Variants in SORBS2 observed in about 807,000 individuals in gnomAD.
SORBS2 encodes the protein sorbin and SH3 domain-containing protein 2.
Under a neutral mutation model 97.7 loss-of-function variants are expected in SORBS2, and 46 were observed. The ratio of observed to expected loss-of-function variants is 0.47; its 90% CI spans 0.37 to 0.60. The LOEUF is 0.60. SORBS2 is among the 20% of genes least tolerant of loss of function. The probability of loss-of-function intolerance (pLI) is 0.00; values close to 1 mark genes in which losing one functional copy is unlikely to be tolerated. For synonymous variants in SORBS2, 476 were observed against 473.4 expected (o/e 1.01, Z -0.07); for missense variants, 1,316 against 1,282.3 (o/e 1.03, Z -0.40).
chr4:185,847,184 C>G (rs7674161), intron 1 of SORBS2, among the ~76,000 whole-genome samples: 42,267 of 152,106 alleles, frequency 0.28, 6,917 homozygotes, highest in East Asian at 0.56. Context: ...TAATGTAAGT[C>G]TGCTCCAGTG....
chr4:185,849,270 TG>T (rs2099216410), intron 1 of SORBS2, among the ~76,000 whole-genome samples: 1 of 152,194 alleles, frequency 6.6e-6, no homozygotes, highest in African/African-American at 2.4e-5. Context: ...CACTACCCAG[TG>T]GAGCCACCAG....
chr4:185,770,864 T>A (rs1237419931), intron 2 of SORBS2: 1 of 152,098 alleles, frequency 6.6e-6, no homozygotes, highest in African/African-American at 2.4e-5. Flanking sequence ...GAAGTCTTCT[T>A]GAAATAAGAT....
At chr4:185,893,786 C>T (rs2099243661) in intron 1 of SORBS2, among the ~76,000 whole-genome samples, 1 of 152,152 alleles carries the variant, frequency 6.6e-6, no homozygotes, top group Admixed American at 6.5e-5. Flanking sequence ...GCAGGTAAGC[C>T]TGGTGAGCAA....
intron 1 of SORBS2, among the ~76,000 whole-genome samples, chr4:185,824,556 G>A (rs185651522): frequency 6.6e-6 from 1 of 152,270 alleles, no homozygotes. Flanking sequence ...GAAAAAAGCT[G>A]TTGTTCCCTA....
intron 1 of SORBS2, among the ~76,000 whole-genome samples, chr4:185,912,585 CAAAAAAAAAAAAAAAA>C (rs60906233): frequency 4.7e-5 from 3 of 64,372 alleles, no homozygotes; most frequent in African/African-American, 1.9e-4. Context: ...AACTCCATCT[CAAAAAAAAAAAAAAAA>C]AAAAAAAAAA....
intron 4 of SORBS2, among the ~76,000 whole-genome samples, chr4:185,631,286 G>T (rs558007097): frequency 6.6e-6 from 1 of 152,194 alleles, no homozygotes; most frequent in African/African-American, 2.4e-5. Context: ...TTTTTAAAGT[G>T]CGCTTTTAAA....
chr4:185,618,448 C>T (rs2096660869), intron 9 of SORBS2, 137 bp downstream of exon 21: 1 of 435,574 alleles, frequency 2.3e-6, no homozygotes, highest in Non-Finnish European at 4.2e-6. Flanking sequence ...TCTGAAGGAA[C>T]CATTTAATTA....
intron 2 of SORBS2, among the ~76,000 whole-genome samples, chr4:185,718,242 G>GA (rs34078526): frequency 2.0e-5 from 3 of 151,562 alleles, no homozygotes; most frequent in South Asian, 2.1e-4. Context: ...AAAAAAAAAA[G>GA]AAAATATGTA....
intron 1 of SORBS2, among the ~76,000 whole-genome samples, chr4:185,922,742 C>T (rs374157074): frequency 3.3e-5 from 5 of 152,090 alleles, no homozygotes; most frequent in Non-Finnish European, 5.9e-5. Flanking sequence ...TGTTATAGTT[C>T]GCAGAGTGCT....
intron 1 of SORBS2, among the ~76,000 whole-genome samples, chr4:185,927,243 T>A (rs2099264158): frequency 1.3e-5 from 2 of 150,966 alleles, no homozygotes; most frequent in African/African-American, 4.9e-5. Flanking sequence ...TCCTAACTTA[T>A]AAAAAAATTT....
intron 1 of SORBS2, among the ~76,000 whole-genome samples, chr4:185,911,500 T>C (rs1421423402): frequency 6.6e-6 from 1 of 152,080 alleles, no homozygotes; most frequent in African/African-American, 2.4e-5. Context: ...CCTGGGATTA[T>C]AAGCATGAGC....
chr4:185,731,856 CTCTCTCTCTCTATA>C (rs1159952531), intron 2 of SORBS2, among the ~76,000 whole-genome samples: 3 of 35,306 alleles, frequency 8.5e-5, no homozygotes, highest in Admixed American at 3.0e-4. Flanking sequence ...CTCTCTCTCT[CTCTCTCTCTCTATA>C]TATATATATA....
In SORBS2 at chr4:185,938,389, T is replaced by TACACACACACAC. The variant is rs34337257; in HGVS notation, c.-338+17795_-338+17806dup. ...TCTCACCCAGAAAAATGTAGACACATACACACACACACACACACACACACA... is the reference window on the plus strand; with the variant it reads ...TCTCACCCAGAAAAATGTAGACACATACACACACACACACACACACACACACACACACACACA... On this transcript the variant is annotated intron_variant, in intron 1 of 20. Coordinates refer to the SORBS2 transcript ENST00000284776. Among the ~76,000 whole-genome samples the TACACACACACAC allele has an allele frequency of 7.1e-3, 975 of 136,488 alleles. 7 individuals carry two copies. The highest frequency in any genetic ancestry group is 0.016 in the South Asian group (64 of 3,886). 89.5% of individuals were successfully genotyped at this position (136,488 alleles called of 152,430 possible). A position where few individuals can be genotyped will look rare whatever the true frequency, so the allele number is the denominator to read the frequency against.
intron 2 of SORBS2, among the ~76,000 whole-genome samples, chr4:185,759,615 G>GT (rs35221294): frequency 1.6e-3 from 238 of 149,964 alleles, no homozygotes; most frequent in African/African-American, 4.3e-3. Flanking sequence ...AATTGAAAGG[G>GT]TTTTTTTTTT....
At chr4:185,705,866 C>T (rs6842482) in intron 2 of SORBS2, among the ~76,000 whole-genome samples, 54,921 of 151,996 alleles carry the variant, frequency 0.36, 11,528 homozygotes, top group South Asian at 0.5. Context: ...TTCTGAGTTG[C>T]TATTGGACAT....
intron 2 of SORBS2, among the ~76,000 whole-genome samples, chr4:185,764,349 C>T (rs1014636903): frequency 2.6e-5 from 4 of 152,136 alleles, no homozygotes; most frequent in African/African-American, 9.7e-5. Flanking sequence ...TATAAATTTT[C>T]ATAAAACATA....
At chr4:185,886,312 T>C (rs1420238906) in intron 1 of SORBS2, among the ~76,000 whole-genome samples, 1 of 151,884 alleles carries the variant, frequency 6.6e-6, no homozygotes, top group Non-Finnish European at 1.5e-5. Flanking sequence ...TCCCAGCACT[T>C]CAGGAGGCCG....
chr4:185,601,411 C>T (rs1413145762), intron 12 of SORBS2, among the ~76,000 whole-genome samples: 1 of 152,152 alleles, frequency 6.6e-6, no homozygotes, highest in Non-Finnish European at 1.5e-5. Context: ...ATCTTTTCTC[C>T]TTCCTGCTGG....
At chr4:185,713,062 A>G (rs1007783403) in intron 2 of SORBS2, among the ~76,000 whole-genome samples, 6 of 152,004 alleles carry the variant, frequency 3.9e-5, no homozygotes, top group African/African-American at 1.5e-4. Flanking sequence ...GCATTCTCCT[A>G]TTCAAAGCCC....
Sources: gnomAD v4.1 joint callset for allele counts (sites outside exome capture counted in the v4.1 genomes callset) on GRCh38, gnomAD v4.1.1 for gene constraint, MANE v1.5 for transcripts, NCBI Gene and HGNC (gene_info 2026-07-23, HGNC 2026-07-21) for gene names.